GPR158: variants seen among roughly 807,000 people sequenced by gnomAD.
GPR158 encodes the protein G protein-coupled receptor 158, also known as metabotropic glycine receptor.
Under a neutral mutation model 78.2 loss-of-function variants are expected in GPR158, and 30 were observed. The ratio of observed to expected loss-of-function variants is 0.38; its 90% CI spans 0.29 to 0.52. GPR158 has a LOEUF of 0.52. Among genes scored for constraint, GPR158 ranks in the 20% least tolerant of loss-of-function variants. The pLI is 0.83. For synonymous variants in GPR158, 581 were observed against 591.1 expected, an observed-to-expected ratio of 0.98 and a Z score of 0.25; for missense variants, 1,463 against 1,523.5, an observed-to-expected ratio of 0.96 and a Z score of 0.66.
At chr10:25,424,775 T>G (rs190876163) in intron 4 of GPR158, among the ~76,000 whole-genome samples, 1,729 of 152,284 alleles carry the variant, frequency 0.011, 34 homozygotes, top group African/African-American at 0.031. Context: ...CATGCTGTTT[T>G]GGTTACTGTA....
rs563115654 is a variant in GPR158 at position 25,307,989 on chromosome 10, TTACATTCA to T, written c.1008+86836_1008+86843del. Among the ~76,000 whole-genome samples, 507 of 152,300 alleles carry T rather than the reference TTACATTCA, an allele frequency of 3.3e-3. 2 individuals are homozygous for T. The highest frequency in any genetic ancestry group is 0.011 in the African/African-American group (468 of 41,550). On this transcript the variant is annotated intron_variant, in intron 2 of 10. Coordinates refer to ENST00000376351, the MANE Select transcript of GPR158 (RefSeq NM_020752.3). ...TTCCTCACTAGATTGTTGTGTGATT[TTACATTCA>T]TACCAGCAAGATATGAATTCCTGTT...
At chr10:25,499,691 C>A (rs1185813721) in intron 5 of GPR158, among the ~76,000 whole-genome samples, 1 of 152,204 alleles carries the variant, frequency 6.6e-6, no homozygotes, top group Non-Finnish European at 1.5e-5. Context: ...GAAGGCCACT[C>A]TGCAGAAGTG....
intron 2 of GPR158, among the ~76,000 whole-genome samples, chr10:25,383,468 C>G (rs1217975165): frequency 6.6e-6 from 1 of 152,082 alleles, no homozygotes; most frequent in Non-Finnish European, 1.5e-5. Flanking sequence ...CAGAGACTTA[C>G]CTGAGGCACA....
At chr10:25,474,406 T>G (rs1835552649) in intron 5 of GPR158, among the ~76,000 whole-genome samples, 2 of 152,134 alleles carry the variant, frequency 1.3e-5, no homozygotes, top group African/African-American at 4.8e-5. Context: ...ATTCTTCCTC[T>G]TTTCCTTTTC....
intron 7 of GPR158, among the ~76,000 whole-genome samples, chr10:25,579,535 T>TTAGAACATACATTGAAGATA (rs1254004746): frequency 6.6e-6 from 1 of 152,200 alleles, no homozygotes; most frequent in Non-Finnish European, 1.5e-5. Context: ...GCTTACACAT[T>TTAGAACATACATTGAAGATA]TAGAACATAC....
At chr10:25,368,350 C>T (rs538697767) in intron 2 of GPR158, among the ~76,000 whole-genome samples, 1 of 151,614 alleles carries the variant, frequency 6.6e-6, no homozygotes, top group East Asian at 1.9e-4. Context: ...ATGCATTTGA[C>T]AAAGATCTTA....
intron 5 of GPR158, among the ~76,000 whole-genome samples, chr10:25,502,344 G>A (rs1470697865): frequency 5.3e-5 from 8 of 152,146 alleles, no homozygotes; most frequent in Admixed American, 4.6e-4. Context: ...CATCTCCCAT[G>A]TGTCAAGCAT....
rs546410476 is a variant in GPR158, at chr10:25,373,169, C to T, written c.1009-22742C>T. Among the ~76,000 whole-genome samples the T allele has an allele frequency of 1.3e-3, 192 of 151,966 alleles. 1 individual carries two copies. Among genetic ancestry groups the T allele is most frequent in the Non-Finnish European group, 1.5e-3 (102 of 67,906 alleles). On this transcript the variant is annotated intron_variant, in intron 2 of 10. Coordinates refer to ENST00000376351, the MANE Select transcript of GPR158 (RefSeq NM_020752.3). ...TAGCAGCATGGATGGAGCTGGAGGC[C>T]ATTATCCCTAGCAAAATAACACAGG...
chr10:25,383,423 A>T (rs1009473985), intron 2 of GPR158, among the ~76,000 whole-genome samples: 2 of 152,178 alleles, frequency 1.3e-5, no homozygotes, highest in Admixed American at 1.3e-4. Flanking sequence ...GAAGTGACAG[A>T]CCAGACTGCC....
At chr10:25,280,004 A>C (rs1854246018) in intron 2 of GPR158, among the ~76,000 whole-genome samples, 1 of 152,074 alleles carries the variant, frequency 6.6e-6, no homozygotes, top group Non-Finnish European at 1.5e-5. Context: ...CTACTTATGA[A>C]TTAGAGGAGA....
intron 4 of GPR158, among the ~76,000 whole-genome samples, chr10:25,433,050 A>C (rs899869673): frequency 1.3e-5 from 2 of 152,210 alleles, no homozygotes; most frequent in Non-Finnish European, 1.5e-5. Context: ...TCACCATTTT[A>C]GTTGGATATT....
intron 6 of GPR158, among the ~76,000 whole-genome samples, chr10:25,563,108 G>A (rs184715769): frequency 3.5e-4 from 43 of 122,758 alleles, no homozygotes; most frequent in Middle Eastern, 3.7e-3. Context: ...TATTATTTAC[G>A]TAAAATATCA....
At chr10:25,286,316 G>A (rs1311930701) in intron 2 of GPR158, among the ~76,000 whole-genome samples, 1 of 151,858 alleles carries the variant, frequency 6.6e-6, no homozygotes, top group East Asian at 1.9e-4. Flanking sequence ...CTTTCTATTG[G>A]CCTGTCTCTA....
chr10:25,388,002 C>T (rs367955257), intron 2 of GPR158, among the ~76,000 whole-genome samples: 7 of 151,894 alleles, frequency 4.6e-5, no homozygotes, highest in East Asian at 1.9e-4. Context: ...ATCTTGATAG[C>T]GTGTATGTTT....
chr10:25,376,598 CT>C (rs1222097253), intron 2 of GPR158, among the ~76,000 whole-genome samples: 1 of 151,574 alleles, frequency 6.6e-6, no homozygotes, highest in Non-Finnish European at 1.5e-5. Context: ...TTTTTATTCC[CT>C]TTTGCAGCTT....
intron 2 of GPR158, among the ~76,000 whole-genome samples, chr10:25,274,825 C>T (rs1402143688): frequency 6.6e-6 from 1 of 151,978 alleles, no homozygotes; most frequent in East Asian, 1.9e-4. Context: ...GAATTAAGTC[C>T]CAGTTGTAAA....
chr10:25,228,357 TACTAG>T (rs1853402071), intron 2 of GPR158, among the ~76,000 whole-genome samples: 1 of 152,030 alleles, frequency 6.6e-6, no homozygotes. Context: ...AATATATATG[TACTAG>T]ACTACTTATC....
chr10:25,478,438 T>C (rs1223109567), intron 5 of GPR158, among the ~76,000 whole-genome samples: 1 of 152,154 alleles, frequency 6.6e-6, no homozygotes, highest in Admixed American at 6.5e-5. Flanking sequence ...CATTTAATTA[T>C]ATGAGACAGA....
At chr10:25,409,542 T>C (rs1245536428) in intron 3 of GPR158, among the ~76,000 whole-genome samples, 1 of 152,342 alleles carries the variant, frequency 6.6e-6, no homozygotes, top group East Asian at 1.9e-4. Context: ...AATGTATTTT[T>C]CTTTTCAACT....
Sources: gnomAD v4.1 joint callset for allele counts (sites outside exome capture counted in the v4.1 genomes callset) on GRCh38, gnomAD v4.1.1 for gene constraint, MANE v1.5 for transcripts, NCBI Gene and HGNC (gene_info 2026-07-23, HGNC 2026-07-21) for gene names.